BORA: variants seen among roughly 807,000 people sequenced by gnomAD.
BORA encodes BORA aurora kinase A activator.
A neutral mutation model predicts 55.8 loss-of-function variants in BORA; 26 were observed. That is an observed-to-expected ratio of 0.47 (90% CI 0.34 to 0.65). The LOEUF is 0.65. Ranked by LOEUF, BORA falls within the 30% of genes least tolerant of loss-of-function variation. BORA has a pLI of 0.01. For synonymous variants in BORA, 201 were observed against 216.9 expected (o/e 0.93, Z 0.64); for missense variants, 568 against 671.5 (o/e 0.85, Z 1.70).
At position 72,745,025 on chromosome 13, in the gene BORA, A is replaced by T. The variant is rs750957692; in HGVS notation, c.556A>T (p.Asn186Tyr). 1.2e-6 allele frequency: 2 copies of T among 1,614,098 alleles called. No homozygotes were observed. The highest frequency in any genetic ancestry group is 1.7e-6 in the Non-Finnish European group (2 of 1,179,970). The stretch of plus-strand genomic sequence containing the variant: ...TGAATTTGCAGATCAATCTCCTGGA[A>T]ACCTCAGTTCTTCATCCCTCAGAAG... ...ADEFADQSPG[N>Y]LSSSSLRRKL... The change falls in exon 8 of 12, where the codon AAC becomes TAC. Residue 186 changes from asparagine to tyrosine, a missense_variant. Physicochemically the swap from Asn to Tyr is moderately radical, Grantham distance 143. Transcript: ENST00000390667.
At chr13:72,753,283 TA>T (rs1262110075) in intron 10 of BORA, 1 of 156,392 alleles carries the variant, frequency 6.4e-6, no homozygotes, top group East Asian at 1.9e-4. Context: ...CAACTAGGTG[TA>T]AATATAATAT....
rs1285449560 is a variant in BORA, at chr13:72,747,451, G to GT, written c.1482+341dup. Reference sequence around the variant, plus strand: ...GATCCAGTCCCCCAAAACATGCAAGGTCTGGTATAGTATTTGCATTCTAAA... The same window carrying GT: ...GATCCAGTCCCCCAAAACATGCAAGGTTCTGGTATAGTATTTGCATTCTAAA... On this transcript the variant is annotated intron_variant, in intron 10 of 11. Transcript: ENST00000390667. 2.6e-5 allele frequency among the ~76,000 whole-genome samples: 4 copies of GT among 152,166 alleles called. No homozygotes were observed. In the East Asian group the frequency reaches 7.7e-4, roughly 29 times the overall value.
At position 72,731,403 on chromosome 13, in the gene BORA, T is replaced by C. The variant is rs749683720; in HGVS notation, c.260+16T>C. 4 of 1,524,442 alleles carry C rather than the reference T, an allele frequency of 2.6e-6. No homozygotes were observed. Among genetic ancestry groups the C allele is most frequent in the South Asian group, 2.3e-5 (2 of 88,520 alleles). The allele number at this position is 1,524,442 out of a possible 1,614,324, so 94.4% of individuals were successfully genotyped here. ...GTCATTCTCGGTAAGTTTTCCTTTC[T>C]TGCACCTAAGTCTAATAACACTCTC... On this transcript the variant is annotated intron_variant, in intron 3 of 11. Coordinates refer to ENST00000390667, the MANE Select transcript of BORA (RefSeq NM_024808.5).
At chr13:72,749,562 T>C (rs1486613828) in intron 10 of BORA, among the ~76,000 whole-genome samples, 2 of 152,102 alleles carry the variant, frequency 1.3e-5, no homozygotes, top group African/African-American at 4.8e-5. Flanking sequence ...CTCCAGTTTA[T>C]ATAATAACCT....
chr13:72,741,624 A>AT (rs917945535), intron 5 of BORA, among the ~76,000 whole-genome samples: 30 of 148,262 alleles, frequency 2.0e-4, no homozygotes, highest in South Asian at 8.5e-4. Flanking sequence ...AAATCCATCG[A>AT]TTTTTTTTTT....
intron 9 of BORA, 57 bp from the exon 10 acceptor site, chr13:72,746,444 G>C: frequency 6.5e-7 from 1 of 1,528,454 alleles, no homozygotes; most frequent in Non-Finnish European, 8.8e-7. Flanking sequence ...ATTTAGTAGT[G>C]ACTTTTCCAT....
intron 10 of BORA, among the ~76,000 whole-genome samples, chr13:72,748,240 G>A (rs1268530517): frequency 6.6e-6 from 1 of 152,202 alleles, no homozygotes; most frequent in Non-Finnish European, 1.5e-5. Flanking sequence ...GGGTCAGAGA[G>A]GTTAAGTAAA....
At chr13:72,731,202 A>T in intron 2 of BORA, 79 bp from the exon 3 acceptor site, 1 of 821,550 alleles carries the variant, frequency 1.2e-6, no homozygotes, top group South Asian at 1.6e-5. Context: ...AACCATTCAT[A>T]TTATTTCTCA....
At chr13:72,752,021 A>G (rs1372263308) in intron 10 of BORA, 1 of 152,222 alleles carries the variant, frequency 6.6e-6, no homozygotes. Context: ...ACTGTTGCCA[A>G]TTGAAAGTTT....
chr13:72,746,941 C>T lies in BORA; in HGVS notation c.1312C>T (p.Pro438Ser). 1.2e-6 allele frequency: 2 copies of T among 1,614,032 alleles called. No individual in the cohort carries two copies. Among genetic ancestry groups the T allele is most frequent in the Non-Finnish European group, 1.7e-6 (2 of 1,179,976 alleles). ...KDNNTVDMVD[P>S]IEIADETTWI... ...CAATAACACTGTGGATATGGTTGAT[C>T]CTATAGAGATAGCAGATGAGACCAC... The change falls in exon 10 of 12, where the codon CCT becomes TCT. Residue 438 changes from proline (P) to serine (S), a missense_variant. Transcript: ENST00000390667.
At chr13:72,739,127 G>GTC (rs2032987790) in intron 5 of BORA, among the ~76,000 whole-genome samples, 1 of 152,108 alleles carries the variant, frequency 6.6e-6, no homozygotes, top group South Asian at 2.1e-4. Context: ...AACTAGAGTT[G>GTC]TCCATTTACA....
In BORA at chr13:72,755,847, G is replaced by A. The variant is rs372792435; in HGVS notation, c.*631G>A. 4 of 398,386 alleles carry A rather than the reference G, an allele frequency of 1.0e-5. No homozygotes were observed. Among genetic ancestry groups the A allele is most frequent in the African/African-American group, 8.2e-5 (4 of 48,600 alleles). The allele number at this position is 398,386 out of a possible 1,614,324, so 24.7% of individuals were successfully genotyped here. ...CATCATCACGTGTATTGTTATCTAT[G>A]GGGCAAATGTGTGGTGCCCAGAATA... On this transcript the variant is annotated 3_prime_UTR_variant, in exon 12 of 12. Transcript: ENST00000390667.
At chr13:72,731,411 A>C (rs774967025) in intron 3 of BORA, 24 bp downstream of exon 3, 2 of 1,447,862 alleles carry the variant, frequency 1.4e-6, no homozygotes, top group African/African-American at 2.8e-5. Flanking sequence ...TCTTGCACCT[A>C]AGTCTAATAA....
intron 1 of BORA, chr13:72,728,270 C>T (rs1294962402): frequency 4.4e-6 from 3 of 683,232 alleles, no homozygotes; most frequent in African/African-American, 3.5e-5. Flanking sequence ...GGTGTAGCCT[C>T]TGTAGCCTCC....
intron 10 of BORA, among the ~76,000 whole-genome samples, chr13:72,748,638 G>T (rs1325492131): frequency 6.6e-6 from 1 of 152,056 alleles, no homozygotes; most frequent in Non-Finnish European, 1.5e-5. Flanking sequence ...TCTAAAGTTG[G>T]TTTCATAAAT....
chr13:72,754,358 C>T (rs1315348966), intron 11 of BORA: 2 of 151,160 alleles, frequency 1.3e-5, no homozygotes, highest in African/African-American at 5.0e-5. Flanking sequence ...GTCACCCGGG[C>T]TGGAGTGCAG....
At position 72,756,057 on chromosome 13, in the gene BORA, A is replaced by T. The variant is rs1356813483; in HGVS notation, c.*841A>T. ...GTATGTTATATACAACTATTTTTTT[A>T]AAAAACTTATATCCATGTTGGGAGT... is the stretch of plus-strand genomic sequence containing the variant. On this transcript the variant is annotated 3_prime_UTR_variant, in exon 12 of 12. Transcript: ENST00000390667. The T allele has an allele frequency of 2.5e-6, 1 of 397,076 alleles. No individual in the cohort carries two copies. Among genetic ancestry groups the T allele is most frequent in the East Asian group, 3.6e-5 (1 of 27,998 alleles). The allele number at this position is 397,076 out of a possible 1,614,324, so 24.6% of individuals were successfully genotyped here.
intron 3 of BORA, among the ~76,000 whole-genome samples, chr13:72,732,926 A>G (rs2032849425): frequency 6.6e-6 from 1 of 152,172 alleles, no homozygotes; most frequent in Middle Eastern, 3.2e-3. Context: ...AGATACTAAG[A>G]GTCAAGAGTC....
chr13:72,746,511 G>A lies in BORA; in HGVS notation c.882G>A (p.Lys294=), dbSNP rs767883590. The change falls in exon 10 of 12, where the codon AAG becomes AAA. Residue 294 remains lysine (K), a synonymous_variant. Transcript: ENST00000390667. ...IGETPLSEQR[K]FTVHSPDASS... is the part of the protein sequence containing the mutation. Reference sequence around the variant, plus strand: ...CTTCCCACCTTTCAGAACAAAGGAAGTTTACTGTTCATTCTCCTGATGCTT... The same window carrying A: ...CTTCCCACCTTTCAGAACAAAGGAAATTTACTGTTCATTCTCCTGATGCTT... 36 of 1,608,448 alleles carry A rather than the reference G, an allele frequency of 2.2e-5. No homozygotes were observed. In the South Asian group the frequency reaches 2.6e-4, roughly 12 times the overall value.
Sources: allele counts gnomAD v4.1 joint callset (sites outside exome capture counted in the v4.1 genomes callset), GRCh38; gene constraint gnomAD v4.1.1; transcripts MANE v1.5; gene names NCBI Gene and HGNC (gene_info 2026-07-23, HGNC 2026-07-21).